MYO19: variants seen among roughly 807,000 people sequenced by gnomAD.
MYO19 encodes myosin XIX.
A neutral mutation model predicts 129.2 loss-of-function variants in MYO19; 132 were observed. The ratio of observed to expected loss-of-function variants is 1.02; its 90% CI spans 0.89 to 1.18. The LOEUF is 1.18. Ranked by LOEUF, MYO19 falls within the 50% of genes most tolerant of loss-of-function variation. The pLI is 0.00. For missense variants in MYO19, 1,210 were observed against 1,216.7 expected (o/e 0.99, Z 0.08); for synonymous variants, 531 against 477.2 (o/e 1.11, Z -1.47).
chr17:36,515,634 T>C (rs1217252294), intron 7 of MYO19, among the ~76,000 whole-genome samples: 3 of 152,190 alleles, frequency 2.0e-5, no homozygotes, highest in Admixed American at 6.5e-5. Context: ...ACGACTGTTA[T>C]GTGTGCCTAG....
In MYO19 at chr17:36,529,594, G is replaced by A. The variant is rs185959226; in HGVS notation, c.13-1392C>T. On this transcript the variant is annotated intron_variant, in intron 3 of 25. Coordinates refer to ENST00000614623, the MANE Select transcript of MYO19 (RefSeq NM_001163735.2). ...TGCATTTCTTCCAAAACTGTTGCCTGTTCTCTGAACTTTGGGCCCACTATA... is the reference window on the plus strand; with the variant it reads ...TGCATTTCTTCCAAAACTGTTGCCTATTCTCTGAACTTTGGGCCCACTATA... Among the ~76,000 whole-genome samples, 8 of 152,254 alleles carry A rather than the reference G, an allele frequency of 5.3e-5. No individual in the cohort carries two copies. The East Asian group carries it at 1.5e-3, about 29-fold the overall frequency.
At chr17:36,525,086 T>G (rs148353659) in intron 6 of MYO19, 142 bp downstream of exon 6, 628 of 652,260 alleles carry the variant, frequency 9.6e-4, no homozygotes, top group Non-Finnish European at 1.2e-3. Flanking sequence ...CCCACCATTG[T>G]GCACCAACCC....
intron 6 of MYO19, among the ~76,000 whole-genome samples, chr17:36,518,592 A>G (rs1252096028): frequency 1.4e-5 from 2 of 140,378 alleles, no homozygotes; most frequent in African/African-American, 2.6e-5. Context: ...AAAAGTATGT[A>G]TATATATATA....
chr17:36,507,697 G>A, intron 15 of MYO19, 106 bp downstream of exon 15: 1 of 1,362,480 alleles, frequency 7.3e-7, no homozygotes, highest in Non-Finnish European at 9.9e-7. Flanking sequence ...AATAAAATAA[G>A]AAGGAACAAA....
At chr17:36,512,864 C>T in intron 11 of MYO19, 1 of 1,187,054 alleles carries the variant, frequency 8.4e-7, no homozygotes, top group Non-Finnish European at 1.1e-6. Context: ...CTGAGAGGAG[C>T]CCAGCTCACC....
intron 1 of MYO19, chr17:36,534,344 A>AT (rs1482493948): frequency 6.6e-6 from 1 of 152,220 alleles, no homozygotes; most frequent in Non-Finnish European, 1.5e-5. Context: ...CAGGGCTGGG[A>AT]TGCCGTTCCG....
chr17:36,506,786 G>A (rs2071924154), intron 17 of MYO19, 177 bp downstream of exon 17: 2 of 1,073,638 alleles, frequency 1.9e-6, no homozygotes, highest in African/African-American at 3.2e-5. Flanking sequence ...GTTATCTCCA[G>A]GCAGGTCATG....
upstream of MYO19, chr17:36,537,974 T>A: frequency 6.2e-7 from 1 of 1,614,050 alleles, no homozygotes; most frequent in South Asian, 1.1e-5. Context: ...GCACTGATGG[T>A]AGTGGCACAC....
intron 11 of MYO19, 44 bp downstream of exon 11, chr17:36,513,385 C>A (rs2072503835): frequency 1.2e-6 from 2 of 1,613,966 alleles, no homozygotes; most frequent in East Asian, 4.5e-5. Flanking sequence ...AAAGGGCTGC[C>A]CGTCATCTCT....
In MYO19 at chr17:36,511,377, C is replaced by T; in HGVS notation, c.973G>A (p.Asp325Asn). The change falls in exon 12 of 26, where the codon GAT (aspartate) becomes AAT (asparagine). Residue 325 changes from aspartate to asparagine, a missense_variant. Asp to Asn is a conservative substitution (Grantham distance 23). Transcript: ENST00000614623. ...EDEAQPCQPM[D>N]DAKYSVRTAA... ...CCCTGACCCTCACACTTGGCATCAT[C>T]CATCGGCTGGCAGGGCTGGGCTTCA... 1 of 1,577,222 alleles carries T rather than the reference C, an allele frequency of 6.3e-7. No individual in the cohort carries two copies. Among genetic ancestry groups the T allele is most frequent in the Non-Finnish European group, 8.6e-7 (1 of 1,161,392 alleles).
At chr17:36,541,123 AT>A (rs2074195860) in intron 2 of MYO19, among the ~76,000 whole-genome samples, 1 of 151,200 alleles carries the variant, frequency 6.6e-6, no homozygotes, top group Non-Finnish European at 1.5e-5. Flanking sequence ...GATTTTTTGT[AT>A]TTTTATTAGA....
chr17:36,502,408 T>C (rs939018994), intron 21 of MYO19, among the ~76,000 whole-genome samples: 3 of 152,162 alleles, frequency 2.0e-5, no homozygotes, highest in African/African-American at 7.2e-5. Context: ...CCAGGCTAAG[T>C]TAATTTACTC....
intron 17 of MYO19, 163 bp downstream of exon 17, chr17:36,506,800 G>C (rs1378644980): frequency 4.6e-6 from 5 of 1,093,468 alleles, no homozygotes; most frequent in African/African-American, 3.2e-5. Context: ...GGTCATGCTT[G>C]ATTAGTGGAG....
chr17:36,504,375 A>C (rs2071738476), intron 19 of MYO19: 3 of 241,046 alleles, frequency 1.2e-5, no homozygotes, highest in African/African-American at 2.3e-5. Flanking sequence ...CACTGTCTGC[A>C]GGCATTAGAG....
chr17:36,525,643 T>C (rs182767619), intron 5 of MYO19, among the ~76,000 whole-genome samples: 70 of 152,354 alleles, frequency 4.6e-4, no homozygotes, highest in Middle Eastern at 6.8e-3. Flanking sequence ...TTCATATTAC[T>C]ATAATTTGCA....
intron 14 of MYO19, 59 bp downstream of exon 14, chr17:36,509,003 C>T: frequency 6.7e-7 from 1 of 1,482,332 alleles, no homozygotes; most frequent in Non-Finnish European, 9.3e-7. Flanking sequence ...CCTGCCTCTC[C>T]ATCCAGGGCT....
intron 11 of MYO19, 21 bp from the exon 12 acceptor site, chr17:36,511,476 G>T (rs2072320658): frequency 6.4e-7 from 1 of 1,551,688 alleles, no homozygotes; most frequent in Non-Finnish European, 8.7e-7. Context: ...GAAAAGGATG[G>T]GTGGGAGTAG....
chr17:36,515,319 AG>A, intron 7 of MYO19, 137 bp from the exon 8 acceptor site: 1 of 674,922 alleles, frequency 1.5e-6, no homozygotes. Context: ...TTCATGTCAT[AG>A]GGGACAGGAC....
chr17:36,524,501 C>A (rs749340314), intron 6 of MYO19, among the ~76,000 whole-genome samples: 16 of 152,216 alleles, frequency 1.1e-4, no homozygotes, highest in Non-Finnish European at 2.2e-4. Context: ...GGCCAATAGT[C>A]TCCTTTGACT....
Sources: allele counts gnomAD v4.1 joint callset (sites outside exome capture counted in the v4.1 genomes callset), GRCh38; gene constraint gnomAD v4.1.1; transcripts MANE v1.5; gene names NCBI Gene and HGNC (gene_info 2026-07-23, HGNC 2026-07-21).